The following ZNF385D variants were observed in gnomAD, a reference collection of about 807,000 sequenced individuals.
ZNF385D encodes the protein zinc finger protein 659.
In ZNF385D, 15 loss-of-function variants were observed where a neutral mutation model predicts 35.8. That is an observed-to-expected ratio of 0.42 (90% CI 0.28 to 0.64). The LOEUF is 0.64. Ranked by LOEUF, ZNF385D falls within the 30% of genes least tolerant of loss-of-function variation. ZNF385D has a pLI of 0.23. For missense variants in ZNF385D, 474 were observed against 494.6 expected (o/e 0.96, Z 0.39); for synonymous variants, 212 against 186.8 (o/e 1.13, Z -1.10).
chr3:21,482,148 T>C (rs1704673872), intron 4 of ZNF385D, among the ~76,000 whole-genome samples: 1 of 152,176 alleles, frequency 6.6e-6, no homozygotes, highest in East Asian at 1.9e-4. Flanking sequence ...GTCTGGGCTC[T>C]TTTGTTTATG....
chr3:21,557,299 G>A (rs1230017990), intron 3 of ZNF385D, among the ~76,000 whole-genome samples: 2 of 152,124 alleles, frequency 1.3e-5, no homozygotes. Context: ...CTGGCTGTGG[G>A]TTTGTCATAA....
chr3:21,617,737 T>C (rs574532816), intron 2 of ZNF385D, among the ~76,000 whole-genome samples: 31 of 152,292 alleles, frequency 2.0e-4, no homozygotes, highest in African/African-American at 7.5e-4. Context: ...TCTATCAAAC[T>C]GTTTTATAAA....
chr3:21,827,685 A>C (rs1262311791), intron 3 of ZNF385D, among the ~76,000 whole-genome samples: 1 of 152,222 alleles, frequency 6.6e-6, no homozygotes, highest in Non-Finnish European at 1.5e-5. Context: ...AAGCATTACA[A>C]GGAGTCTTGG....
At chr3:21,705,588 A>G (rs2067866430) in intron 1 of ZNF385D, among the ~76,000 whole-genome samples, 1 of 152,202 alleles carries the variant, frequency 6.6e-6, no homozygotes, top group Non-Finnish European at 1.5e-5. Context: ...TATGAGAGTA[A>G]GAGGACTTCC....
rs376287442 is a variant in ZNF385D at position 22,107,747 on chromosome 3, G to A, written c.325+61070C>T. 5.3e-5 allele frequency among the ~76,000 whole-genome samples: 8 copies of A among 152,034 alleles called. No homozygotes were observed. The South Asian group carries it at 1.2e-3, about 24-fold the overall frequency. On this transcript the variant is annotated intron_variant, in intron 3 of 5. Transcript: ENST00000494108. ...ATGCGCTGTATGATGTCAACTGTAT[G>A]TATATATTTCTCTACAGGTAAATTT...
intron 3 of ZNF385D, among the ~76,000 whole-genome samples, chr3:22,123,962 C>CTCTATATA (rs1491571691): frequency 2.7e-4 from 17 of 61,842 alleles, no homozygotes; most frequent in African/African-American, 7.9e-4. Flanking sequence ...CTCTCTCTCT[C>CTCTATATA]TATATATATA....
chr3:21,936,692 G>C (rs964942386), intron 3 of ZNF385D, among the ~76,000 whole-genome samples: 19 of 151,960 alleles, frequency 1.3e-4, no homozygotes, highest in African/African-American at 4.6e-4. Flanking sequence ...GCATAGTTTA[G>C]AGCTCAAGAT....
chr3:22,160,781 G>A (rs1705900146), intron 3 of ZNF385D, among the ~76,000 whole-genome samples: 1 of 152,000 alleles, frequency 6.6e-6, no homozygotes, highest in African/African-American at 2.4e-5. Flanking sequence ...AGGAAACCAG[G>A]CTTAATAAAT....
At chr3:22,067,390 A>G (rs1700010547) in intron 3 of ZNF385D, among the ~76,000 whole-genome samples, 1 of 152,214 alleles carries the variant, frequency 6.6e-6, no homozygotes, top group South Asian at 2.1e-4. Flanking sequence ...TAGGTCACAT[A>G]ATGCAACAGT....
chr3:22,158,386 G>T (rs1705725458), intron 3 of ZNF385D, among the ~76,000 whole-genome samples: 1 of 152,016 alleles, frequency 6.6e-6, no homozygotes, highest in South Asian at 2.1e-4. Context: ...CCTTACTTGT[G>T]TTTAGGTCCA....
intron 3 of ZNF385D, among the ~76,000 whole-genome samples, chr3:21,532,742 A>C (rs557427097): frequency 6.6e-6 from 1 of 150,680 alleles, no homozygotes; most frequent in Non-Finnish European, 1.5e-5. Flanking sequence ...GTTTTTGTTT[A>C]TCTCTCACCA....
chr3:22,118,226 G>A (rs1702906988), intron 3 of ZNF385D, among the ~76,000 whole-genome samples: 1 of 152,006 alleles, frequency 6.6e-6, no homozygotes. Flanking sequence ...TCTAAAGTAT[G>A]CCATTATTTC....
At chr3:22,312,960 T>C (rs1703658503) in intron 2 of ZNF385D, among the ~76,000 whole-genome samples, 1 of 148,032 alleles carries the variant, frequency 6.8e-6, no homozygotes. Flanking sequence ...CACGTATGTT[T>C]ATTGCAGCAC....
At chr3:21,679,010 C>A (rs9853490) in intron 1 of ZNF385D, among the ~76,000 whole-genome samples, 1 of 151,898 alleles carries the variant, frequency 6.6e-6, no homozygotes, top group Non-Finnish European at 1.5e-5. Context: ...CCACCCACCC[C>A]CCAACCCCAT....
chr3:21,656,075 T>G (rs545558691), intron 2 of ZNF385D, among the ~76,000 whole-genome samples: 4 of 152,038 alleles, frequency 2.6e-5, no homozygotes, highest in African/African-American at 9.6e-5. Flanking sequence ...AATAGAGAAC[T>G]TTCTTACCCT....
At chr3:22,152,314 C>A (rs931752588) in intron 3 of ZNF385D, among the ~76,000 whole-genome samples, 2 of 152,146 alleles carry the variant, frequency 1.3e-5, no homozygotes, top group African/African-American at 4.8e-5. Context: ...AGGGTGAGTA[C>A]TTGCTTGACC....
In ZNF385D at chr3:21,609,912, T is replaced by A. The variant is rs745381289; in HGVS notation, c.166-45228A>T. On this transcript the variant is annotated intron_variant, in intron 2 of 7. Transcript: ENST00000281523. The stretch of plus-strand genomic sequence containing the variant: ...AGAGAGTCCTGATGGGTATTTAAAT[T>A]CCTCCTTCTATATGTCCTTAGCTTT... Among the ~76,000 whole-genome samples, 13 of 152,138 alleles carry A rather than the reference T, an allele frequency of 8.5e-5. 1 individual carries two copies. Among genetic ancestry groups the A allele is most frequent in the Non-Finnish European group, 1.8e-4 (12 of 68,022 alleles).
rs2070053262 is a variant in ZNF385D at position 21,751,052 on chromosome 3, G to T, written c.-136C>A. The T allele has an allele frequency of 1.4e-5, 21 of 1,546,552 alleles. No homozygotes were observed. The South Asian group carries it at 2.6e-4, about 19-fold the overall frequency. On this transcript the variant is annotated 5_prime_UTR_variant, in exon 1 of 8. Transcript: ENST00000281523. ...GTGGAGAGCAGTGAGCGCCGAGAGC[G>T]TGCCTCCTCCGCGGGATGAGCGCCT...
intron 2 of ZNF385D, among the ~76,000 whole-genome samples, chr3:22,238,920 T>C (rs1444326701): frequency 6.7e-6 from 1 of 149,174 alleles, no homozygotes. Flanking sequence ...AGAGACAGGG[T>C]CTTGCCATGT....
Sources: allele counts gnomAD v4.1 joint callset (sites outside exome capture counted in the v4.1 genomes callset), GRCh38; gene constraint gnomAD v4.1.1; transcripts MANE v1.5; gene names NCBI Gene and HGNC (gene_info 2026-07-23, HGNC 2026-07-21).